The following CACNA2D3 variants were observed in gnomAD, a reference collection of about 807,000 sequenced individuals.
CACNA2D3 encodes the protein calcium voltage-gated channel auxiliary subunit alpha2delta 3, also known as voltage-dependent calcium channel subunit alpha-2/delta-3.
CACNA2D3 carries 60 observed loss-of-function variants against 160.6 expected under a neutral mutation model. The ratio of observed to expected loss-of-function variants is 0.37; its 90% CI spans 0.30 to 0.46. The LOEUF is 0.46. Among genes scored for constraint, CACNA2D3 ranks in the 20% least tolerant of loss-of-function variants. CACNA2D3 has a pLI of 1.00. For synonymous variants in CACNA2D3, 558 were observed against 492.9 expected, an observed-to-expected ratio of 1.13 and a Z score of -1.75; for missense variants, 1,205 against 1,365.0, an observed-to-expected ratio of 0.88 and a Z score of 1.85.
rs184911281 is a variant in CACNA2D3, at chr3:54,947,531, G to A, written c.2450-20919G>A. On this transcript the variant is annotated intron_variant, in intron 27 of 37. Coordinates refer to ENST00000474759, the MANE Select transcript of CACNA2D3 (RefSeq NM_018398.3). ...GAGAACCTATACTGTTGAGTCTGTG[G>A]GTTAGCAGCATATATCCACAAAATT... 1.8e-3 allele frequency among the ~76,000 whole-genome samples: 275 copies of A among 152,198 alleles called. 1 individual carries two copies. The highest frequency in any genetic ancestry group is 6.4e-3 in the African/African-American group (264 of 41,530).
At chr3:54,710,800 G>A (rs72872244) in intron 11 of CACNA2D3, among the ~76,000 whole-genome samples, 1 of 152,092 alleles carries the variant, frequency 6.6e-6, no homozygotes, top group African/African-American at 2.4e-5. Flanking sequence ...TACATTTTAA[G>A]TATGTTTAGA....
chr3:54,642,754 G>T lies in CACNA2D3; in HGVS notation c.1167+513G>T, dbSNP rs183757498. On this transcript the variant is annotated intron_variant, in intron 11 of 37. Transcript: ENST00000474759. The stretch of plus-strand genomic sequence containing the variant: ...TTCTGATCCTGCCTTTGCTTTCCAC[G>T]TTGACAGTTATTAACCTTTTGAGGC... 7.9e-5 allele frequency among the ~76,000 whole-genome samples: 12 copies of T among 152,046 alleles called. No individual in the cohort carries two copies. The South Asian group carries it at 2.5e-3, about 32-fold the overall frequency.
At chr3:55,073,627 T>C in intron 36 of CACNA2D3, 70 bp downstream of exon 36, 1 of 1,347,362 alleles carries the variant, frequency 7.4e-7, no homozygotes, top group African/African-American at 1.4e-5. Context: ...TAAGGAAACC[T>C]GGGGGAGAAA....
At chr3:54,922,022 A>G (rs1700866812) in intron 27 of CACNA2D3, among the ~76,000 whole-genome samples, 4 of 152,130 alleles carry the variant, frequency 2.6e-5, no homozygotes, top group African/African-American at 9.7e-5. Context: ...GATTTTTCCT[A>G]GTTATGTTGG....
intron 4 of CACNA2D3, among the ~76,000 whole-genome samples, chr3:54,496,511 G>C (rs930860361): frequency 1.1e-4 from 17 of 152,090 alleles, no homozygotes; most frequent in African/African-American, 3.9e-4. Flanking sequence ...TTTCAGTTGA[G>C]CTACAGGAGT....
chr3:54,254,806 A>G (rs1379744390), intron 2 of CACNA2D3, among the ~76,000 whole-genome samples: 1 of 152,228 alleles, frequency 6.6e-6, no homozygotes, highest in African/African-American at 2.4e-5. Flanking sequence ...AGCAGCTTGT[A>G]TACTCTAAGG....
intron 4 of CACNA2D3, among the ~76,000 whole-genome samples, chr3:54,391,500 C>G (rs1056726146): frequency 2.0e-5 from 3 of 150,118 alleles, no homozygotes; most frequent in Non-Finnish European, 3.0e-5. Context: ...GGCTTTCTTT[C>G]TTTCTTTCTT....
intron 2 of CACNA2D3, among the ~76,000 whole-genome samples, chr3:54,189,876 C>G (rs1420874350): frequency 2.0e-5 from 3 of 152,200 alleles, no homozygotes; most frequent in Non-Finnish European, 4.4e-5. Context: ...AATGAGTACA[C>G]ATAATTTTCT....
intron 26 of CACNA2D3, among the ~76,000 whole-genome samples, chr3:54,898,790 G>A (rs1165752828): frequency 3.3e-5 from 5 of 152,160 alleles, no homozygotes; most frequent in Admixed American, 3.3e-4. Flanking sequence ...AATGAAGTGA[G>A]TTTACCTTGT....
chr3:54,409,369 T>C (rs1280283238), intron 4 of CACNA2D3, among the ~76,000 whole-genome samples: 2 of 152,198 alleles, frequency 1.3e-5, no homozygotes, highest in African/African-American at 4.8e-5. Context: ...AAATATTGCA[T>C]GTGTTGGACT....
At chr3:54,298,646 A>G (rs1448503841) in intron 2 of CACNA2D3, among the ~76,000 whole-genome samples, 2 of 152,178 alleles carry the variant, frequency 1.3e-5, no homozygotes, top group Admixed American at 1.3e-4. Flanking sequence ...AAAAAAGTAC[A>G]ACAATTAGCC....
chr3:54,734,382 G>A (rs755663430), intron 11 of CACNA2D3, among the ~76,000 whole-genome samples: 21 of 152,140 alleles, frequency 1.4e-4, no homozygotes, highest in East Asian at 1.9e-4. Context: ...GAGCATCTTC[G>A]CAGTGAAGTC....
intron 11 of CACNA2D3, among the ~76,000 whole-genome samples, chr3:54,660,731 G>A (rs909804079): frequency 6.6e-6 from 1 of 152,096 alleles, no homozygotes; most frequent in Non-Finnish European, 1.5e-5. Flanking sequence ...TTCCATTACT[G>A]CAGCCCAGCA....
intron 2 of CACNA2D3, among the ~76,000 whole-genome samples, chr3:54,157,529 G>A (rs777059056): frequency 6.6e-5 from 10 of 152,176 alleles, no homozygotes; most frequent in Non-Finnish European, 1.5e-4. Context: ...GGTGGCTCAC[G>A]CCTGTAATCG....
chr3:54,636,330 G>C (rs1006179877), intron 10 of CACNA2D3, among the ~76,000 whole-genome samples: 1 of 151,974 alleles, frequency 6.6e-6, no homozygotes, highest in Non-Finnish European at 1.5e-5. Flanking sequence ...ACACAGTCGT[G>C]GGGGTCAGGT....
intron 11 of CACNA2D3, among the ~76,000 whole-genome samples, chr3:54,736,109 G>GTATATA (rs1553814503): frequency 1.0e-4 from 2 of 20,080 alleles, no homozygotes; most frequent in Non-Finnish European, 2.5e-4. Context: ...ACATATATAT[G>GTATATA]TATATATATA....
chr3:54,146,795 T>A (rs1362420116), intron 2 of CACNA2D3, among the ~76,000 whole-genome samples: 1 of 152,194 alleles, frequency 6.6e-6, no homozygotes, highest in East Asian at 1.9e-4. Context: ...CTGGGCCCTG[T>A]TTCCCGCCTG....
chr3:54,784,801 A>G (rs1024538156), intron 13 of CACNA2D3, among the ~76,000 whole-genome samples: 21 of 152,218 alleles, frequency 1.4e-4, no homozygotes, highest in Admixed American at 1.3e-4. Flanking sequence ...GGGCAAAGTG[A>G]CAGGATCTTT....
intron 5 of CACNA2D3, among the ~76,000 whole-genome samples, chr3:54,562,322 TA>T (rs1467758093): frequency 6.6e-6 from 1 of 152,184 alleles, no homozygotes; most frequent in African/African-American, 2.4e-5. Context: ...TTTATTTTTT[TA>T]AGAAAAGCAA....
Sources: allele counts gnomAD v4.1 joint callset (sites outside exome capture counted in the v4.1 genomes callset), GRCh38; gene constraint gnomAD v4.1.1; transcripts MANE v1.5; gene names NCBI Gene and HGNC (gene_info 2026-07-23, HGNC 2026-07-21).